MRTFB: variants seen among roughly 807,000 people sequenced by gnomAD.
MRTFB encodes myocardin-related transcription factor B.
A neutral mutation model predicts 104.2 loss-of-function variants in MRTFB; 29 were observed. That is an observed-to-expected ratio of 0.28 (90% confidence interval 0.21 to 0.38). The LOEUF (loss-of-function observed/expected upper bound fraction) is 0.38. MRTFB is among the 10% of genes least tolerant of loss of function. MRTFB has a pLI of 1.00. For missense variants in MRTFB, 1,270 were observed against 1,341.6 expected (o/e 0.95, Z 0.83); for synonymous variants, 535 against 519.5 (o/e 1.03, Z -0.41).
the MRTFB span, among the ~76,000 whole-genome samples, chr16:14,003,140 C>G: frequency 6.6e-6 from 1 of 152,294 alleles, no homozygotes; most frequent in African/African-American, 2.4e-5. Flanking sequence ...TCCCACATCA[C>G]ACGTGGCTGG....
chr16:14,260,849 T>TA, intron 16 of MRTFB, 60 bp from the exon 17 acceptor site: 2 of 1,407,070 alleles, frequency 1.4e-6, no homozygotes, highest in Non-Finnish European at 1.9e-6. Flanking sequence ...TAGTAATTAA[T>TA]AAAAATTTTT....
At position 14,245,644 on chromosome 16, in the gene MRTFB, G is replaced by A; in HGVS notation, c.1196G>A (p.Ser399Asn). The change falls in exon 11 of 17, where the codon AGC becomes AAC. Residue 399 changes from serine (S) to asparagine (N), a missense_variant. Ser to Asn is a conservative substitution (Grantham distance 46). Transcript: ENST00000571589. ...AGAAAGCCAGGACCTCTGCCTTCTA[G>A]CCTGGATGACTTAAAGGTGACAATT... ...PVRKPGPLPS[S>N]LDDLKVSELK... 2 of 1,612,698 alleles carry A rather than the reference G, an allele frequency of 1.2e-6. No individual in the cohort carries two copies. The highest frequency in any genetic ancestry group is 2.7e-5 in the African/African-American group (2 of 74,926).
chr16:14,026,052 T>C, the MRTFB span, among the ~76,000 whole-genome samples: 1 of 152,242 alleles, frequency 6.6e-6, no homozygotes, highest in African/African-American at 2.4e-5. Flanking sequence ...TCTCCCCAAA[T>C]AGATTTATAG....
At chr16:14,077,949 G>T (rs1220009800) in intron 1 of MRTFB, among the ~76,000 whole-genome samples, 1 of 152,168 alleles carries the variant, frequency 6.6e-6, no homozygotes, top group East Asian at 1.9e-4. Flanking sequence ...CTGAAAACCA[G>T]AGAACAAATT....
At chr16:14,104,469 G>A (rs2035868464) in intron 2 of MRTFB, among the ~76,000 whole-genome samples, 1 of 152,232 alleles carries the variant, frequency 6.6e-6, no homozygotes, top group South Asian at 2.1e-4. Context: ...CACTCAGGCA[G>A]GATGACATGG....
chr16:14,125,906 C>A (rs1231729325), intron 2 of MRTFB, among the ~76,000 whole-genome samples: 1 of 152,188 alleles, frequency 6.6e-6, no homozygotes, highest in Non-Finnish European at 1.5e-5. Flanking sequence ...GAAACCTGAG[C>A]TGCCCTCCCT....
the MRTFB span, among the ~76,000 whole-genome samples, chr16:14,014,055 T>G: frequency 6.6e-6 from 1 of 152,136 alleles, no homozygotes; most frequent in African/African-American, 2.4e-5. Flanking sequence ...AAATATTCCC[T>G]CCAGAAGGGC....
intron 2 of MRTFB, among the ~76,000 whole-genome samples, chr16:14,112,849 T>G (rs2036347305): frequency 6.6e-6 from 1 of 152,174 alleles, no homozygotes; most frequent in Non-Finnish European, 1.5e-5. Context: ...GACAGAAGTG[T>G]CAGGGCTTCT....
chr16:14,170,517 T>G (rs1347134432), intron 3 of MRTFB: 1 of 152,250 alleles, frequency 6.6e-6, no homozygotes, highest in Non-Finnish European at 1.5e-5. Flanking sequence ...CTAATTTCAA[T>G]GGCTATACAA....
At chr16:14,099,922 C>A (rs2142045963) in intron 2 of MRTFB, among the ~76,000 whole-genome samples, 1 of 152,276 alleles carries the variant, frequency 6.6e-6, no homozygotes, top group South Asian at 2.1e-4. Context: ...ACCTCGGACT[C>A]CCAAAGTGCT....
upstream of MRTFB, chr16:14,071,210 C>T (rs1357689001): frequency 6.5e-6 from 1 of 153,400 alleles, no homozygotes; most frequent in Non-Finnish European, 1.5e-5. Context: ...CGGGCTTGAC[C>T]CTTGAGGCGG....
chr16:14,240,766 A>C, intron 10 of MRTFB: 1 of 767,378 alleles, frequency 1.3e-6, no homozygotes, highest in South Asian at 1.3e-5. Flanking sequence ...AGAACACCAA[A>C]ATAGTACTAG....
chr16:14,099,875 C>T (rs1403147290), intron 2 of MRTFB, among the ~76,000 whole-genome samples: 1 of 152,042 alleles, frequency 6.6e-6, no homozygotes, highest in Non-Finnish European at 1.5e-5. Context: ...ACTGTGTTGG[C>T]CAGGCTGGTC....
intron 3 of MRTFB, among the ~76,000 whole-genome samples, chr16:14,178,638 T>C (rs2039665143): frequency 6.6e-6 from 1 of 152,180 alleles, no homozygotes; most frequent in Non-Finnish European, 1.5e-5. Context: ...ATTTGAGTTA[T>C]ATGGTGGACT....
At chr16:14,163,320 T>C (rs7196008) in intron 3 of MRTFB, among the ~76,000 whole-genome samples, 35,639 of 152,106 alleles carry the variant, frequency 0.23, 7,905 homozygotes, top group African/African-American at 0.57. Flanking sequence ...CAGTTTCTCA[T>C]GTAAGGAAAA....
At chr16:14,053,583 T>G in the MRTFB span, among the ~76,000 whole-genome samples, 2 of 151,802 alleles carry the variant, frequency 1.3e-5, no homozygotes, top group Non-Finnish European at 2.9e-5. Flanking sequence ...ATACAAAAAT[T>G]AGCCGGGCGT....
chr16:14,218,951 A>G lies in MRTFB; in HGVS notation c.646A>G (p.Lys216Glu), dbSNP rs2041557294. Residue 216 changes from lysine to glutamate, a missense_variant, in exon 8 of 17, where the codon AAA becomes GAA. Transcript: ENST00000571589. ...GTCAGCCGCGTCCCCAAGTGAGCCAAAAGTTAGTGAATCGCCATCTCCTGT... is the reference window on the plus strand; with the variant it reads ...GTCAGCCGCGTCCCCAAGTGAGCCAGAAGTTAGTGAATCGCCATCTCCTGT... ...QGSAASPSEPKVSESPSPVTT... is the reference protein window; with the variant it reads ...QGSAASPSEPEVSESPSPVTT... The G allele has an allele frequency of 6.2e-7, 1 of 1,614,110 alleles. No homozygotes were observed. Among genetic ancestry groups the G allele is most frequent in the Non-Finnish European group, 8.5e-7 (1 of 1,179,988 alleles).
chr16:14,247,705 A>G, intron 12 of MRTFB, 198 bp downstream of exon 12: 1 of 590,808 alleles, frequency 1.7e-6, no homozygotes, highest in Non-Finnish European at 3.0e-6. Flanking sequence ...AAAACACAGG[A>G]TGCTTTTCTA....
chr16:14,105,940 C>T (rs574851386), intron 2 of MRTFB, among the ~76,000 whole-genome samples: 2 of 152,280 alleles, frequency 1.3e-5, no homozygotes, highest in African/African-American at 4.8e-5. Context: ...TTATAAGGAG[C>T]ACTTTCCCTA....
Sources: allele counts gnomAD v4.1 joint callset (sites outside exome capture counted in the v4.1 genomes callset), GRCh38; gene constraint gnomAD v4.1.1; transcripts MANE v1.5; gene names NCBI Gene and HGNC (gene_info 2026-07-23, HGNC 2026-07-21).